Variants in ROBO2 observed in about 807,000 individuals in gnomAD.
ROBO2 encodes roundabout homolog 2.
A neutral mutation model predicts 160.8 loss-of-function variants in ROBO2; 53 were observed. That is an observed-to-expected ratio of 0.33 (90% CI 0.26 to 0.41). The LOEUF (loss-of-function observed/expected upper bound fraction) is 0.41. Ranked by LOEUF, ROBO2 falls within the 10% of genes least tolerant of loss-of-function variation. The pLI, the probability that ROBO2 is intolerant of heterozygous loss-of-function variation, is 1.00. For synonymous variants in ROBO2, 664 were observed against 611.7 expected (o/e 1.09, Z -1.26); for missense variants, 1,577 against 1,722.4 (o/e 0.92, Z 1.49).
chr3:76,708,252 C>T (rs868129426), intron 2 of ROBO2, among the ~76,000 whole-genome samples: 14 of 152,092 alleles, frequency 9.2e-5, no homozygotes, highest in Admixed American at 5.2e-4. Context: ...ATTGAGGAAA[C>T]GCTTTCTTGT....
rs534878068 is a variant in ROBO2, at chr3:75,958,837, C to T, written c.109+21235C>T. Among the ~76,000 whole-genome samples the T allele has an allele frequency of 7.2e-5, 11 of 151,874 alleles. No homozygotes were observed. The South Asian group carries it at 2.3e-3, about 31-fold the overall frequency. ...AAAAAAAGCAGTGTTCTCAAATTAT[C>T]TCTAACCCACCTGGTAACTTTGAGT... On this transcript the variant is annotated intron_variant, in intron 2 of 26. Coordinates refer to the ROBO2 transcript ENST00000487694.
intron 2 of ROBO2, among the ~76,000 whole-genome samples, chr3:76,503,757 GA>G (rs1560057179): frequency 6.6e-6 from 1 of 152,144 alleles, no homozygotes; most frequent in Non-Finnish European, 1.5e-5. Flanking sequence ...TGAAGATCAT[GA>G]AAACAGAGAG....
intron 2 of ROBO2, among the ~76,000 whole-genome samples, chr3:76,336,907 G>T (rs967708360): frequency 2.6e-5 from 4 of 151,972 alleles, no homozygotes; most frequent in Non-Finnish European, 4.4e-5. Context: ...GGTAAAATAT[G>T]ATTCTAATTC....
chr3:76,158,594 G>A (rs144472208), intron 2 of ROBO2, among the ~76,000 whole-genome samples: 1 of 152,132 alleles, frequency 6.6e-6, no homozygotes, highest in African/African-American at 2.4e-5. Context: ...AATGAATGGG[G>A]TGGGGTTGGG....
chr3:76,260,634 A>G (rs1706683414), intron 2 of ROBO2, among the ~76,000 whole-genome samples: 4 of 152,120 alleles, frequency 2.6e-5, no homozygotes, highest in South Asian at 4.1e-4. Context: ...CTTAAAGATA[A>G]AATCAGGATT....
rs114240251 is a variant in ROBO2, at chr3:76,917,066, C to T, written c.110-180948C>T. On this transcript the variant is annotated intron_variant, in intron 2 of 26. Coordinates refer to the ROBO2 transcript ENST00000487694. ...AATTTTAGTGTCTCTTAAAGGCAGG[C>T]GTTGATAATGATAACCGACAAACCA... 3.1e-3 allele frequency among the ~76,000 whole-genome samples: 470 copies of T among 152,136 alleles called. 1 individual carries two copies. The highest frequency in any genetic ancestry group is 4.9e-3 in the Non-Finnish European group (334 of 68,004).
chr3:76,998,927 T>A (rs1418976321), intron 2 of ROBO2, among the ~76,000 whole-genome samples: 1 of 152,198 alleles, frequency 6.6e-6, no homozygotes, highest in African/African-American at 2.4e-5. Flanking sequence ...ATCTACTTAC[T>A]GAAGCAGACC....
At chr3:75,937,847 A>G (rs1200912766) in intron 2 of ROBO2, among the ~76,000 whole-genome samples, 3 of 84,904 alleles carry the variant, frequency 3.5e-5, no homozygotes, top group Admixed American at 1.2e-4. Flanking sequence ...GATTTTATAT[A>G]TATATATATA....
Position 77,162,444 on chromosome 3 carries a change from G to A in ROBO2, c.388+64104G>A, listed in dbSNP as rs190854808. On this transcript the variant is annotated intron_variant, in intron 2 of 25. Transcript: ENST00000461745. ...GTATCGTGCTAGGAAAAGAATTACC[G>A]TTGTCTTCTGTGTTTCATTAAAATA... Among the ~76,000 whole-genome samples the A allele has an allele frequency of 4.2e-3, 636 of 152,272 alleles. 5 individuals carry two copies. The highest frequency in any genetic ancestry group is 4.8e-3 in the Non-Finnish European group (328 of 68,034).
At chr3:75,980,167 T>G (rs1054714463) in intron 2 of ROBO2, among the ~76,000 whole-genome samples, 1 of 151,488 alleles carries the variant, frequency 6.6e-6, no homozygotes, top group Non-Finnish European at 1.5e-5. Context: ...GACTTCAGAT[T>G]TCATAAAGTG....
intron 2 of ROBO2, among the ~76,000 whole-genome samples, chr3:77,280,237 G>T (rs1007726431): frequency 1.3e-5 from 2 of 152,058 alleles, no homozygotes; most frequent in African/African-American, 4.8e-5. Flanking sequence ...CTTTTCTGCC[G>T]TTATACCTTA....
In ROBO2 at chr3:77,292,764, A is replaced by G. The variant is rs184063771; in HGVS notation, c.389-184650A>G. On this transcript the variant is annotated intron_variant, in intron 2 of 25. Coordinates refer to ENST00000461745, the Ensembl canonical transcript of ROBO2. ...AAGTTGAGGCTAGAGCACTAAAGACATAAAGTAAATTTGACGGTTAAACAG... is the reference window on the plus strand; with the variant it reads ...AAGTTGAGGCTAGAGCACTAAAGACGTAAAGTAAATTTGACGGTTAAACAG... 7.6e-3 allele frequency among the ~76,000 whole-genome samples: 741 copies of G among 97,902 alleles called. 7 individuals carry two copies. The highest frequency in any genetic ancestry group is 0.019 in the African/African-American group (709 of 36,906). 64.2% of individuals were successfully genotyped at this position (97,902 alleles called of 152,430 possible). A position where few individuals can be genotyped will look rare whatever the true frequency, so the allele number is the denominator to read the frequency against.
intron 2 of ROBO2, among the ~76,000 whole-genome samples, chr3:76,716,073 A>C (rs1200423348): frequency 6.8e-6 from 1 of 147,156 alleles, no homozygotes; most frequent in Non-Finnish European, 1.5e-5. Flanking sequence ...AAATGGCCAA[A>C]TTTGTAAGAC....
intron 2 of ROBO2, among the ~76,000 whole-genome samples, chr3:77,467,397 A>T (rs1253278005): frequency 6.6e-6 from 1 of 152,172 alleles, no homozygotes; most frequent in African/African-American, 2.4e-5. Context: ...CCAGGCAGGC[A>T]TTCTACAAAG....
chr3:76,079,116 T>C (rs562623531), intron 2 of ROBO2, among the ~76,000 whole-genome samples: 38 of 152,276 alleles, frequency 2.5e-4, no homozygotes, highest in African/African-American at 8.7e-4. Context: ...CTTATAGATA[T>C]AGGAAAACAA....
At chr3:76,637,798 C>T (rs961016416) in intron 2 of ROBO2, among the ~76,000 whole-genome samples, 1 of 152,240 alleles carries the variant, frequency 6.6e-6, no homozygotes, top group East Asian at 1.9e-4. Flanking sequence ...CTAGGAAAGT[C>T]TAAGCTTTTG....
At chr3:77,627,180 T>A (rs1478097485) in intron 23 of ROBO2, among the ~76,000 whole-genome samples, 1 of 152,154 alleles carries the variant, frequency 6.6e-6, no homozygotes, top group Admixed American at 6.5e-5. Flanking sequence ...CACGTGTAAT[T>A]TTTATCTGAG....
At chr3:76,917,703 C>T (rs1332860977) in intron 2 of ROBO2, among the ~76,000 whole-genome samples, 1 of 151,752 alleles carries the variant, frequency 6.6e-6, no homozygotes, top group Non-Finnish European at 1.5e-5. Flanking sequence ...TAAAACCTGG[C>T]ATCTGTCGTT....
At chr3:77,152,085 G>T (rs76692294) in intron 2 of ROBO2, among the ~76,000 whole-genome samples, 2,494 of 152,156 alleles carry the variant, frequency 0.016, 83 homozygotes, top group East Asian at 0.15. Flanking sequence ...GTTACTCAAT[G>T]TATTCATTCA....
Sources: gnomAD v4.1 joint callset for allele counts (sites outside exome capture counted in the v4.1 genomes callset) on GRCh38, gnomAD v4.1.1 for gene constraint, MANE v1.5 for transcripts, NCBI Gene and HGNC (gene_info 2026-07-23, HGNC 2026-07-21) for gene names.